The following RBMS3 variants were observed in gnomAD, a reference collection of about 807,000 sequenced individuals.
The protein encoded by RBMS3 is RNA-binding motif, single-stranded-interacting protein 3.
In RBMS3, 27 loss-of-function variants were observed where a neutral mutation model predicts 66.8. The ratio of observed to expected loss-of-function variants is 0.40; its 90% CI spans 0.30 to 0.56. RBMS3 has a LOEUF of 0.56. Ranked by LOEUF, RBMS3 falls within the 20% of genes least tolerant of loss-of-function variation. The probability of loss-of-function intolerance (pLI) is 0.40; values close to 1 mark genes in which losing one functional copy is unlikely to be tolerated. For missense variants in RBMS3, 513 were observed against 549.5 expected, an observed-to-expected ratio of 0.93 and a Z score of 0.66; for synonymous variants, 188 against 183.0, an observed-to-expected ratio of 1.03 and a Z score of -0.22.
chr3:29,671,037 C>G lies in RBMS3; in HGVS notation c.400-68683C>G, dbSNP rs188506151. ...CTGACACCTCACAAGGCCGAGTGCC[C>G]CTCTGAGACGAAGCTTCCAGAGGAA... On this transcript the variant is annotated intron_variant, in intron 4 of 14. Coordinates refer to ENST00000383767, the MANE Select transcript of RBMS3 (RefSeq NM_001003793.3). 2.5e-3 allele frequency among the ~76,000 whole-genome samples: 385 copies of G among 152,240 alleles called. 4 individuals carry two copies. The highest frequency in any genetic ancestry group is 8.6e-3 in the African/African-American group (356 of 41,546).
chr3:29,774,054 T>C (rs891160023), intron 6 of RBMS3, among the ~76,000 whole-genome samples: 2 of 152,092 alleles, frequency 1.3e-5, no homozygotes, highest in Non-Finnish European at 2.9e-5. Context: ...TAAGGTATTA[T>C]ATTCATACAG....
chr3:29,596,325 G>A (rs1015889503), intron 4 of RBMS3, among the ~76,000 whole-genome samples: 4 of 152,098 alleles, frequency 2.6e-5, no homozygotes, highest in African/African-American at 7.2e-5. Flanking sequence ...CGAGGTTCAC[G>A]GTCCACCTTC....
intron 1 of RBMS3, among the ~76,000 whole-genome samples, chr3:29,396,557 G>T (rs543030809): frequency 2.6e-5 from 4 of 152,196 alleles, no homozygotes; most frequent in South Asian, 2.1e-4. Context: ...AGTTATTAGG[G>T]ATAAAGAACC....
At chr3:29,489,602 C>A (rs1377559774) in intron 3 of RBMS3, among the ~76,000 whole-genome samples, 3 of 150,960 alleles carry the variant, frequency 2.0e-5, no homozygotes, top group African/African-American at 7.3e-5. Flanking sequence ...ATCGACAAAC[C>A]ACTGTTAGAG....
At chr3:29,572,510 A>G (rs2046982948) in intron 3 of RBMS3, among the ~76,000 whole-genome samples, 2 of 152,188 alleles carry the variant, frequency 1.3e-5, no homozygotes, top group Admixed American at 6.5e-5. Flanking sequence ...CTTTGTCAGC[A>G]TCAATCAAAA....
intron 4 of RBMS3, among the ~76,000 whole-genome samples, chr3:29,704,648 T>C (rs968481823): frequency 2.0e-5 from 3 of 152,216 alleles, no homozygotes; most frequent in African/African-American, 7.2e-5. Context: ...TGTTGGATCA[T>C]TTATTTATAT....
rs375587808 is a variant in RBMS3, at chr3:29,865,880, T to C, written c.638-2978T>C. On this transcript the variant is annotated intron_variant, in intron 6 of 14. Coordinates refer to ENST00000383767, the MANE Select transcript of RBMS3 (RefSeq NM_001003793.3). ...ATGATACCTAGCAGATAAAGACTGA[T>C]TTCTAATTCAGTATTGTTACAACTG... Among the ~76,000 whole-genome samples the C allele has an allele frequency of 2.0e-5, 3 of 152,198 alleles. No homozygotes were observed. In the South Asian group the frequency reaches 6.2e-4, roughly 32 times the overall value.
intron 3 of RBMS3, among the ~76,000 whole-genome samples, chr3:29,537,127 G>A (rs558221518): frequency 6.6e-6 from 1 of 152,106 alleles, no homozygotes; most frequent in East Asian, 1.9e-4. Flanking sequence ...ATAAAAATAA[G>A]TGTTTTTAGA....
intron 4 of RBMS3, among the ~76,000 whole-genome samples, chr3:29,729,934 G>A (rs902754998): frequency 3.3e-5 from 5 of 151,798 alleles, no homozygotes; most frequent in Middle Eastern, 3.4e-3. Flanking sequence ...TACCTCAAGG[G>A]CTAAGGAATA....
intron 3 of RBMS3, among the ~76,000 whole-genome samples, chr3:29,584,070 T>G (rs2047424910): frequency 6.6e-6 from 1 of 152,148 alleles, no homozygotes; most frequent in Non-Finnish European, 1.5e-5. Flanking sequence ...TTGCTCATAC[T>G]CTTCAACTAC....
intron 4 of RBMS3, among the ~76,000 whole-genome samples, chr3:29,738,302 T>C (rs1469707681): frequency 6.6e-6 from 1 of 152,178 alleles, no homozygotes; most frequent in Non-Finnish European, 1.5e-5. Flanking sequence ...GGATTTCTTT[T>C]TCTAATTTAA....
At chr3:29,641,310 T>C (rs939486535) in intron 4 of RBMS3, among the ~76,000 whole-genome samples, 2 of 152,040 alleles carry the variant, frequency 1.3e-5, no homozygotes, top group African/African-American at 4.8e-5. Context: ...CATACTGTAT[T>C]TTAAAAATAT....
At chr3:29,821,041 A>C (rs2058064874) in intron 6 of RBMS3, among the ~76,000 whole-genome samples, 1 of 152,144 alleles carries the variant, frequency 6.6e-6, no homozygotes, top group Non-Finnish European at 1.5e-5. Context: ...ACTGGAATAC[A>C]CTGGCTTCCT....
intron 4 of RBMS3, among the ~76,000 whole-genome samples, chr3:29,700,964 T>A (rs1242319187): frequency 6.6e-6 from 1 of 152,142 alleles, no homozygotes; most frequent in Non-Finnish European, 1.5e-5. Flanking sequence ...GGCCTGGACT[T>A]GAAGGGCTTT....
intron 3 of RBMS3, among the ~76,000 whole-genome samples, chr3:29,570,290 A>G (rs1379147999): frequency 6.6e-6 from 1 of 152,136 alleles, no homozygotes; most frequent in Admixed American, 6.6e-5. Context: ...AAAATGACGT[A>G]TCCATGCCTT....
chr3:29,343,888 G>A (rs749266042), intron 1 of RBMS3, among the ~76,000 whole-genome samples: 1 of 152,192 alleles, frequency 6.6e-6, no homozygotes, highest in Non-Finnish European at 1.5e-5. Context: ...CACACTGGTA[G>A]TTTGCCTCCA....
chr3:29,420,565 T>TTTTTTTG (rs1553600816), intron 1 of RBMS3, among the ~76,000 whole-genome samples: 10 of 150,878 alleles, frequency 6.6e-5, no homozygotes, highest in African/African-American at 2.4e-4. Flanking sequence ...GGTTTGTTTT[T>TTTTTTTG]TTTTGTTTTG....
At chr3:29,840,202 T>C (rs2058627617) in intron 6 of RBMS3, among the ~76,000 whole-genome samples, 2 of 152,046 alleles carry the variant, frequency 1.3e-5, no homozygotes. Context: ...TACACTCTTA[T>C]GATTATCAAG....
intron 3 of RBMS3, among the ~76,000 whole-genome samples, chr3:29,544,663 T>A (rs2045881494): frequency 6.7e-6 from 1 of 149,298 alleles, no homozygotes; most frequent in Non-Finnish European, 1.5e-5. Context: ...CTCGAGAATA[T>A]CCTTAGATAA....
Sources: allele counts gnomAD v4.1 joint callset (sites outside exome capture counted in the v4.1 genomes callset), GRCh38; gene constraint gnomAD v4.1.1; transcripts MANE v1.5; gene names NCBI Gene and HGNC (gene_info 2026-07-23, HGNC 2026-07-21).